Variants in NOS1AP observed in about 807,000 individuals in gnomAD.
The protein encoded by NOS1AP is nitric oxide synthase 1 adaptor protein.
In NOS1AP, 21 loss-of-function variants were observed where a neutral mutation model predicts 56.2. That is an observed-to-expected ratio of 0.37 (90% CI 0.26 to 0.54). The LOEUF is 0.54. Ranked by LOEUF, NOS1AP falls within the 20% of genes least tolerant of loss-of-function variation. NOS1AP has a pLI of 0.84. For synonymous variants in NOS1AP, 270 were observed against 274.6 expected (o/e 0.98, Z 0.17); for missense variants, 522 against 657.8 (o/e 0.79, Z 2.26).
At chr1:162,313,173 G>A (rs553107120) in intron 4 of NOS1AP, among the ~76,000 whole-genome samples, 1 of 152,272 alleles carries the variant, frequency 6.6e-6, no homozygotes, top group Non-Finnish European at 1.5e-5. Flanking sequence ...GACAAACAGG[G>A]TGTCTCCCAT....
At chr1:162,356,863 T>C (rs1190444122) in intron 7 of NOS1AP, 97 bp from the exon 8 acceptor site, 4 of 1,606,184 alleles carry the variant, frequency 2.5e-6, no homozygotes, top group Non-Finnish European at 3.4e-6. Flanking sequence ...GTTGTAAGTG[T>C]GCCAATTTGC....
intron 6 of NOS1AP, among the ~76,000 whole-genome samples, chr1:162,350,810 C>T (rs1657466053): frequency 2.3e-5 from 1 of 43,972 alleles, no homozygotes; most frequent in African/African-American, 5.1e-5. Flanking sequence ...CTACATCTCT[C>T]CCTTCCCCGC....
At chr1:162,335,981 G>A (rs948323467) in intron 5 of NOS1AP, among the ~76,000 whole-genome samples, 1 of 152,118 alleles carries the variant, frequency 6.6e-6, no homozygotes, top group Non-Finnish European at 1.5e-5. Flanking sequence ...GATAGCCAGT[G>A]TGGCTCCCAC....
chr1:162,243,444 G>A (rs1298920320), intron 2 of NOS1AP, among the ~76,000 whole-genome samples: 1 of 152,158 alleles, frequency 6.6e-6, no homozygotes, highest in Non-Finnish European at 1.5e-5. Context: ...AAAAAACAAG[G>A]AAGAGAGATG....
intron 1 of NOS1AP, among the ~76,000 whole-genome samples, chr1:162,081,743 T>TA (rs1558090492): frequency 1.1e-4 from 10 of 92,392 alleles, no homozygotes; most frequent in African/African-American, 3.7e-4. Context: ...TATATCTATA[T>TA]CTATATCTAT....
At chr1:162,270,799 A>G (rs966763279) in intron 2 of NOS1AP, among the ~76,000 whole-genome samples, 6 of 152,230 alleles carry the variant, frequency 3.9e-5, no homozygotes, top group African/African-American at 1.4e-4. Context: ...TGGAACTCCA[A>G]CTTATTAAAC....
At chr1:162,167,381 T>G (rs2102122529) in intron 2 of NOS1AP, among the ~76,000 whole-genome samples, 1 of 152,356 alleles carries the variant, frequency 6.6e-6, no homozygotes, top group East Asian at 1.9e-4. Context: ...ATTCATGATC[T>G]TTTCCTTTTT....
At chr1:162,233,050 T>C (rs1653172457) in intron 2 of NOS1AP, among the ~76,000 whole-genome samples, 1 of 152,196 alleles carries the variant, frequency 6.6e-6, no homozygotes, top group South Asian at 2.1e-4. Flanking sequence ...TTCTCAAACT[T>C]CAGTGTGTTT....
intron 2 of NOS1AP, among the ~76,000 whole-genome samples, chr1:162,196,176 A>G (rs142531324): frequency 6.6e-6 from 1 of 152,284 alleles, no homozygotes; most frequent in African/African-American, 2.4e-5. Context: ...CCTTTCCCCC[A>G]GTCATGTTTG....
At chr1:162,239,673 G>GA (rs1653420363) in intron 2 of NOS1AP, among the ~76,000 whole-genome samples, 1 of 152,174 alleles carries the variant, frequency 6.6e-6, no homozygotes, top group South Asian at 2.1e-4. Context: ...GTAACCTGGG[G>GA]ATGTACCTGG....
At chr1:162,342,964 C>T (rs1657159371) in intron 5 of NOS1AP, among the ~76,000 whole-genome samples, 1 of 152,194 alleles carries the variant, frequency 6.6e-6, no homozygotes, top group Admixed American at 6.5e-5. Context: ...CTCTGAAACT[C>T]TAAATAAACC....
At chr1:162,356,636 AC>A (rs1379526435) in intron 7 of NOS1AP, among the ~76,000 whole-genome samples, 8 of 152,278 alleles carry the variant, frequency 5.3e-5, no homozygotes, top group African/African-American at 1.7e-4. Flanking sequence ...TAAGTCTAGA[AC>A]CTCAAGGAAC....
intron 1 of NOS1AP, among the ~76,000 whole-genome samples, chr1:162,091,530 G>C (rs1271394145): frequency 6.6e-6 from 1 of 152,114 alleles, no homozygotes; most frequent in African/African-American, 2.4e-5. Flanking sequence ...TAAATATATT[G>C]CCACCATTTT....
rs1389801060 is a variant in NOS1AP at position 162,210,711 on chromosome 1, C to T, written c.177+56235C>T. 2.6e-5 allele frequency among the ~76,000 whole-genome samples: 4 copies of T among 152,246 alleles called. No individual in the cohort carries two copies. In the East Asian group the frequency reaches 7.7e-4, roughly 29 times the overall value. On this transcript the variant is annotated intron_variant, in intron 2 of 9. Coordinates refer to ENST00000361897, the MANE Select transcript of NOS1AP (RefSeq NM_014697.3). ...ACTCCTCCTTCTCCTGGGCTGCCTT[C>T]ATCACCAGGCTTCTTTGCCTGTGGA...
At chr1:162,139,012 T>C (rs1380650462) in intron 1 of NOS1AP, among the ~76,000 whole-genome samples, 2 of 152,178 alleles carry the variant, frequency 1.3e-5, no homozygotes, top group African/African-American at 4.8e-5. Flanking sequence ...TCTACTGCCC[T>C]TGCCCTTGCT....
chr1:162,265,224 CT>C (rs61039086), intron 2 of NOS1AP, among the ~76,000 whole-genome samples: 50,367 of 148,002 alleles, frequency 0.34, 9,183 homozygotes, highest in African/African-American at 0.5. Flanking sequence ...GGGTCGTTTT[CT>C]TTTTTTTTTT....
chr1:162,306,680 T>C (rs1347685867), intron 4 of NOS1AP, among the ~76,000 whole-genome samples: 2 of 152,228 alleles, frequency 1.3e-5, no homozygotes, highest in African/African-American at 4.8e-5. Context: ...CTCACACCTA[T>C]AATCTCAGCA....
chr1:162,220,254 T>C (rs1320599291), intron 2 of NOS1AP, among the ~76,000 whole-genome samples: 1 of 152,210 alleles, frequency 6.6e-6, no homozygotes, highest in Non-Finnish European at 1.5e-5. Context: ...TGAGAAATGC[T>C]GTAGGAACTG....
At chr1:162,362,917 C>A in intron 8 of NOS1AP, 5 of 970,690 alleles carry the variant, frequency 5.2e-6, no homozygotes, top group Non-Finnish European at 4.9e-6. Flanking sequence ...ACATTTCTTT[C>A]CCTGTTGAGT....
Sources: allele counts gnomAD v4.1 joint callset (sites outside exome capture counted in the v4.1 genomes callset), GRCh38; gene constraint gnomAD v4.1.1; transcripts MANE v1.5; gene names NCBI Gene and HGNC (gene_info 2026-07-23, HGNC 2026-07-21).